The following LIPA variants were observed in gnomAD, a reference collection of about 807,000 sequenced individuals.
LIPA encodes lipase A, lysosomal acid type.
Under a neutral mutation model 40.6 loss-of-function variants are expected in LIPA, and 26 were observed. The observed-to-expected ratio is 0.64, with a 90% CI of 0.47 to 0.89. The LOEUF is 0.89. Among genes scored for constraint, LIPA ranks in the 40% least tolerant of loss-of-function variants. LIPA has a pLI of 0.00. For synonymous variants in LIPA, 188 were observed against 168.4 expected, an observed-to-expected ratio of 1.12 and a Z score of -0.90; for missense variants, 455 against 479.6, an observed-to-expected ratio of 0.95 and a Z score of 0.48.
chr10:89,390,793 T>A (rs191756666), intron 2 of LIPA, among the ~76,000 whole-genome samples: 27 of 152,322 alleles, frequency 1.8e-4, no homozygotes, highest in Admixed American at 1.8e-3. Flanking sequence ...GATAAACTTT[T>A]TGTTCATATC....
chr10:89,234,548 T>C (rs1318876049), intron 3 of LIPA, among the ~76,000 whole-genome samples: 1 of 152,174 alleles, frequency 6.6e-6, no homozygotes, highest in Non-Finnish European at 1.5e-5. Flanking sequence ...CCCTCTGGCA[T>C]TGGGTGAATA....
At chr10:89,260,847 T>C (rs1302387041) in intron 1 of LIPA, among the ~76,000 whole-genome samples, 2 of 152,198 alleles carry the variant, frequency 1.3e-5, no homozygotes, top group African/African-American at 4.8e-5. Context: ...TTTACTAGCA[T>C]GCACTTGAAG....
At chr10:89,268,757 C>A (rs375273969) in intron 1 of LIPA, among the ~76,000 whole-genome samples, 3 of 152,036 alleles carry the variant, frequency 2.0e-5, no homozygotes, top group African/African-American at 4.8e-5. Context: ...GATGCTGAGG[C>A]GGGTGGATCA....
chr10:89,244,268 T>A (rs1219610737), intron 3 of LIPA, among the ~76,000 whole-genome samples: 1 of 151,984 alleles, frequency 6.6e-6, no homozygotes, highest in Non-Finnish European at 1.5e-5. Flanking sequence ...CTAGGATAAA[T>A]TAAGAAAAAA....
chr10:89,388,749 T>C (rs1844225421), intron 2 of LIPA, among the ~76,000 whole-genome samples: 1 of 151,924 alleles, frequency 6.6e-6, no homozygotes, highest in African/African-American at 2.4e-5. Flanking sequence ...GGATCTTTTC[T>C]GAAATTTCTT....
At chr10:89,289,564 T>C (rs1259147507) in intron 1 of LIPA, among the ~76,000 whole-genome samples, 1 of 152,176 alleles carries the variant, frequency 6.6e-6, no homozygotes, top group African/African-American at 2.4e-5. Context: ...ACCATGGTCA[T>C]TTCTTCCCTT....
At chr10:89,405,288 T>C (rs1301544319) in intron 2 of LIPA, 2 of 152,236 alleles carry the variant, frequency 1.3e-5, no homozygotes, top group Non-Finnish European at 2.9e-5. Flanking sequence ...AAATATTACA[T>C]GAAAATGTTG....
chr10:89,348,146 G>T (rs1315227976), intron 2 of LIPA, among the ~76,000 whole-genome samples: 1 of 152,170 alleles, frequency 6.6e-6, no homozygotes, highest in Non-Finnish European at 1.5e-5. Context: ...GTGCTCAGAG[G>T]CTCAGCAATC....
intron 2 of LIPA, among the ~76,000 whole-genome samples, chr10:89,382,160 G>A (rs1157218977): frequency 6.6e-6 from 1 of 151,984 alleles, no homozygotes; most frequent in Non-Finnish European, 1.5e-5. Context: ...ATTATATTAT[G>A]GTTATATTGA....
rs778906870 is a variant in LIPA at position 89,338,820 on chromosome 10, C to A, written c.-2+3791G>T. On this transcript the variant is annotated intron_variant, in intron 1 of 5. Coordinates refer to the LIPA transcript ENST00000282673. ...CTGAGTTCAAAGCTACAATGTACAA[C>A]TTGTTGGCCTACATAAAACACCTAG... 7.4e-6 allele frequency: 12 copies of A among 1,613,954 alleles called. No individual in the cohort carries two copies. The Admixed American group carries it at 2.0e-4, about 27-fold the overall frequency.
intron 8 of LIPA, among the ~76,000 whole-genome samples, 196 bp from the exon 9 acceptor site, chr10:89,216,205 G>A (rs931534306): frequency 6.6e-6 from 1 of 151,806 alleles, no homozygotes; most frequent in African/African-American, 2.4e-5. Flanking sequence ...ATTTCTCATT[G>A]TATGATTGTT....
chr10:89,336,151 A>T (rs1204973365), intron 1 of LIPA, among the ~76,000 whole-genome samples: 5 of 133,248 alleles, frequency 3.8e-5, no homozygotes, highest in Admixed American at 2.3e-4. Context: ...GAAAATAGGG[A>T]GGGAGGAAGG....
At chr10:89,264,476 G>C (rs1036168096) in intron 1 of LIPA, among the ~76,000 whole-genome samples, 3 of 151,896 alleles carry the variant, frequency 2.0e-5, no homozygotes, top group Admixed American at 2.0e-4. Context: ...AGCAGACCTG[G>C]AGTGGGTAGC....
At chr10:89,229,182 A>C (rs1842808705) in intron 3 of LIPA, among the ~76,000 whole-genome samples, 1 of 152,240 alleles carries the variant, frequency 6.6e-6, no homozygotes, top group African/African-American at 2.4e-5. Context: ...CCCTAAAAGG[A>C]AATGAGCTAT....
intron 3 of LIPA, among the ~76,000 whole-genome samples, chr10:89,240,592 T>C (rs1842953644): frequency 6.6e-6 from 1 of 152,216 alleles, no homozygotes; most frequent in African/African-American, 2.4e-5. Flanking sequence ...TCTTCCTGTT[T>C]AATAATTGAA....
At chr10:89,242,439 C>T (rs370794988) in intron 3 of LIPA, among the ~76,000 whole-genome samples, 64 of 152,288 alleles carry the variant, frequency 4.2e-4, no homozygotes, top group African/African-American at 1.5e-3. Flanking sequence ...AAACTTAATC[C>T]TGCAAAACCA....
intron 1 of LIPA, chr10:89,327,902 C>T: frequency 1.7e-6 from 1 of 576,610 alleles, no homozygotes; most frequent in Non-Finnish European, 3.1e-6. Context: ...CTCTTCCTTC[C>T]CCTAAAAGCA....
At chr10:89,257,076 TG>T (rs1843185141) in intron 1 of LIPA, among the ~76,000 whole-genome samples, 1 of 152,234 alleles carries the variant, frequency 6.6e-6, no homozygotes, top group Non-Finnish European at 1.5e-5. Flanking sequence ...TAAGTTGTTT[TG>T]AATCAATTGT....
rs772236690 is a variant in LIPA, at chr10:89,226,889, A to G, written c.538+6T>C. The G allele has an allele frequency of 8.3e-6, 12 of 1,448,822 alleles. No individual in the cohort carries two copies. The Admixed American group carries it at 8.4e-5, about 10-fold the overall frequency. The allele number at this position is 1,448,822 out of a possible 1,614,324, so 89.7% of individuals were successfully genotyped here. A position where few individuals can be genotyped will look rare whatever the true frequency, so the allele number is the denominator to read the frequency against. Reference sequence around the variant, plus strand: ...TATCAACTTCTGATCTTATTTACATACATACCTATAGTGGTGCCTTGAGAA... The same window carrying G: ...TATCAACTTCTGATCTTATTTACATGCATACCTATAGTGGTGCCTTGAGAA... On this transcript the variant is annotated splice_donor_region_variant and intron_variant, in intron 5 of 9. Coordinates refer to ENST00000336233, the MANE Select transcript of LIPA (RefSeq NM_000235.4).
Sources: gnomAD v4.1 joint callset for allele counts (sites outside exome capture counted in the v4.1 genomes callset) on GRCh38, gnomAD v4.1.1 for gene constraint, MANE v1.5 for transcripts, NCBI Gene and HGNC (gene_info 2026-07-23, HGNC 2026-07-21) for gene names.